NBPF11: variants seen among roughly 807,000 people sequenced by gnomAD.
NBPF11 encodes the protein NBPF member 11.
A neutral mutation model predicts 93.9 loss-of-function variants in NBPF11; 72 were observed. That is an observed-to-expected ratio of 0.77 (90% CI 0.63 to 0.93). The LOEUF (loss-of-function observed/expected upper bound fraction) is 0.93, where lower values mean the gene tolerates loss of function less well. NBPF11 is among the 40% of genes least tolerant of loss of function. The probability of loss-of-function intolerance (pLI) is 0.00; values close to 1 mark genes in which losing one functional copy is unlikely to be tolerated. For missense variants in NBPF11, 705 were observed against 802.2 expected (o/e 0.88, Z 1.46); for synonymous variants, 224 against 304.9 (o/e 0.73, Z 2.76).
intron 2 of NBPF11, among the ~76,000 whole-genome samples, chr1:148,142,652 CT>C (rs1443928807): frequency 6.5e-4 from 99 of 152,184 alleles, no homozygotes; most frequent in African/African-American, 2.3e-3. Context: ...CTTTCTCCCC[CT>C]CTCAATGCCT....
rs1271948179 is a variant in NBPF11, at chr1:148,125,692, C to T, written c.176-691G>A. 3.2e-4 allele frequency among the ~76,000 whole-genome samples: 48 copies of T among 151,914 alleles called. 1 individual carries two copies. The highest frequency in any genetic ancestry group is 1.1e-3 in the African/African-American group (47 of 41,232). On this transcript the variant is annotated intron_variant, in intron 5 of 23. Coordinates refer to ENST00000682118, the MANE Select transcript of NBPF11 (RefSeq NM_001385469.3). ...ACTAATAGATAGTGTTTACACTGTG[C>T]CAATTAATGTTCAAGGAGATCGACA... is the stretch of plus-strand genomic sequence containing the variant.
chr1:148,106,120 C>T (rs1663543816), intron 21 of NBPF11, 61 bp downstream of exon 21: 1 of 631,780 alleles, frequency 1.6e-6, no homozygotes, highest in African/African-American at 1.9e-5. Context: ...GCTCTGTTTT[C>T]CCTGAACCAG....
chr1:148,125,840 C>G (rs1368481921), intron 5 of NBPF11, among the ~76,000 whole-genome samples: 1 of 151,888 alleles, frequency 6.6e-6, no homozygotes, highest in Admixed American at 6.5e-5. Flanking sequence ...GCCCAGGAGA[C>G]AGGCTGAGGG....
intron 2 of NBPF11, among the ~76,000 whole-genome samples, chr1:148,142,326 C>A (rs1672328455): frequency 6.6e-6 from 1 of 151,984 alleles, no homozygotes; most frequent in African/African-American, 2.4e-5. Flanking sequence ...TGGGGTACAA[C>A]CCCTTCTTCC....
At position 148,132,354 on chromosome 1, in the gene NBPF11, TA is replaced by T. The variant is rs1470714194; in HGVS notation, c.-36+3317del. ...TCTTCTCTTCCACTGATATATATTC[TA>T]TTTTTTTTTTTCAACAAAACACATA... On this transcript the variant is annotated intron_variant, in intron 4 of 23. Coordinates refer to ENST00000682118, the MANE Select transcript of NBPF11 (RefSeq NM_001385469.3). Among the ~76,000 whole-genome samples the T allele has an allele frequency of 3.2e-5, 3 of 93,760 alleles. No individual in the cohort carries two copies. In the East Asian group the frequency reaches 1.2e-3, roughly 39 times the overall value. The allele number at this position is 93,760 out of a possible 152,430, so 61.5% of individuals were successfully genotyped here.
chr1:148,122,402 G>T, intron 8 of NBPF11, 136 bp from the exon 9 acceptor site: 3 of 1,434,902 alleles, frequency 2.1e-6, no homozygotes, highest in Non-Finnish European at 2.9e-6. Flanking sequence ...CTTTAAGAGG[G>T]AACAGGCAAT....
At chr1:148,144,021 C>A (rs1278465415) in intron 1 of NBPF11, among the ~76,000 whole-genome samples, 1 of 151,520 alleles carries the variant, frequency 6.6e-6, no homozygotes, top group Non-Finnish European at 1.5e-5. Flanking sequence ...GGCACCACTG[C>A]ACTCCAGCCT....
chr1:148,149,343 T>G (rs1331935935), intron 1 of NBPF11: 30 of 1,596,866 alleles, frequency 1.9e-5, no homozygotes, highest in Non-Finnish European at 2.5e-5. Context: ...TTCCCTAACA[T>G]CGAGAAGGTG....
intron 1 of NBPF11, among the ~76,000 whole-genome samples, chr1:148,147,088 G>A (rs1297250277): frequency 6.6e-6 from 1 of 152,158 alleles, no homozygotes; most frequent in Non-Finnish European, 1.5e-5. Context: ...GGGTGTGCAG[G>A]TGCCGCCTCC....
Position 148,118,630 on chromosome 1 carries a change from C to T in NBPF11, c.1081G>A (p.Glu361Lys). The change falls in exon 11 of 24, where the codon GAG becomes AAG. Residue 361 changes from glutamate (E) to lysine (K), a missense_variant. Glu to Lys is a moderately conservative substitution (Grantham distance 56). This residue lies in a region of NBPF11 where 262 missense variants were observed against 223.1 expected (regional missense o/e 1.17). Transcript: ENST00000682118. Reference sequence around the variant, plus strand: ...ATGGGGTCCCCTCACCTGAGCTCCTCAGCTTGCTTCAGCTGCTCTGCAAGC... The same window carrying T: ...ATGGGGTCCCCTCACCTGAGCTCCTTAGCTTGCTTCAGCTGCTCTGCAAGC... ...EKLAEQLKQA[E>K]ELRQYKVLVH... The T allele has an allele frequency of 1.2e-6, 2 of 1,612,462 alleles. No homozygotes were observed. Among genetic ancestry groups the T allele is most frequent in the South Asian group, 1.1e-5 (1 of 91,016 alleles).
Position 148,122,943 on chromosome 1 carries a change from G to A in NBPF11, c.494-142C>T, listed in dbSNP as rs1183052971. ...TCTCATGTTTTATCCTTCACAAAAT[G>A]CCCTGGCATGGTTTCCTGGTCCATC... On this transcript the variant is annotated intron_variant, in intron 7 of 23. Transcript: ENST00000682118. The A allele has an allele frequency of 6.2e-6, 9 of 1,459,022 alleles. 1 individual carries two copies. The East Asian group carries it at 2.1e-4, about 34-fold the overall frequency. The allele number at this position is 1,459,022 out of a possible 1,614,324, so 90.4% of individuals were successfully genotyped here. A position where few individuals can be genotyped will look rare whatever the true frequency, so the allele number is the denominator to read the frequency against.
chr1:148,106,212 CT>C lies in NBPF11; in HGVS notation c.2271del (p.Glu758ArgfsTer19). The C allele has an allele frequency of 5.6e-6, 5 of 885,220 alleles. No individual in the cohort carries two copies. The highest frequency in any genetic ancestry group is 1.3e-5 in the South Asian group (1 of 76,606). The allele number at this position is 885,220 out of a possible 1,614,324, so 54.8% of individuals were successfully genotyped here. A position where few individuals can be genotyped will look rare whatever the true frequency, so the allele number is the denominator to read the frequency against. On this transcript the variant is annotated frameshift_variant, in exon 21 of 24. Coordinates refer to ENST00000682118, the MANE Select transcript of NBPF11 (RefSeq NM_001385469.3). LOFTEE classifies it high-confidence loss of function. Reference sequence around the variant, plus strand: ...CACGGTGGGCCTTGGTCTTCTTCCTCTTCTTGGTCCTTTTTAATTCCTGCAA... The same window carrying C: ...CACGGTGGGCCTTGGTCTTCTTCCTCTCTTGGTCCTTTTTAATTCCTGCAA... ...LDVDRIKKDQ[E>X]EEEDQGPPCP...
chr1:148,147,065 G>A, intron 1 of NBPF11: 6 of 882,686 alleles, frequency 6.8e-6, no homozygotes, highest in Non-Finnish European at 8.5e-6. Flanking sequence ...CAGAGAGCCG[G>A]ACAGGCGAGC....
In NBPF11 at chr1:148,125,315, C is replaced by T. The variant is rs77047782; in HGVS notation, c.176-314G>A. Among the ~76,000 whole-genome samples, 566 of 152,024 alleles carry T rather than the reference C, an allele frequency of 3.7e-3. 10 individuals are homozygous for T. The highest frequency in any genetic ancestry group is 0.012 in the African/African-American group (504 of 41,322). On this transcript the variant is annotated intron_variant, in intron 5 of 23. Transcript: ENST00000682118. Reference sequence around the variant, plus strand: ...CTGAATGCGGGGCCACTTTCCCAAGCCTTGCAGCCTCTCCTCTAAAACACT... The same window carrying T: ...CTGAATGCGGGGCCACTTTCCCAAGTCTTGCAGCCTCTCCTCTAAAACACT...
At chr1:148,117,130 C>T (rs1666756519) in intron 12 of NBPF11, among the ~76,000 whole-genome samples, 1 of 151,886 alleles carries the variant, frequency 6.6e-6, no homozygotes, top group African/African-American at 2.4e-5. Context: ...CATTTGAATG[C>T]TTCAGACCTT....
chr1:148,148,842 G>A (rs1647429201), intron 1 of NBPF11, among the ~76,000 whole-genome samples: 3 of 151,916 alleles, frequency 2.0e-5, no homozygotes, highest in Non-Finnish European at 4.4e-5. Flanking sequence ...GGGTGACCAG[G>A]AGGAGGAGAG....
In NBPF11 at chr1:148,105,446, A is replaced by C. The variant is rs1386679475; in HGVS notation, c.2386T>G (p.Leu796Val). The C allele has an allele frequency of 3.7e-5, 41 of 1,107,154 alleles. 1 individual carries two copies. Among genetic ancestry groups the C allele is most frequent in the Non-Finnish European group, 5.5e-5 (41 of 743,244 alleles). 68.6% of individuals were successfully genotyped at this position (1,107,154 alleles called of 1,614,324 possible). Reference sequence around the variant, plus strand: ...GGGCTGGCAGGAGTCAGGCTGTTCAAGACAACTGGAAGGAGTTGAATAACA... The same window carrying C: ...GGGCTGGCAGGAGTCAGGCTGTTCACGACAACTGGAAGGAGTTGAATAACA... The part of the protein sequence containing the change: ...LDVIQLLPVV[L>V]NSLTPASPTE... The change falls in exon 22 of 24, where the codon TTG becomes GTG. Residue 796 changes from leucine to valine, a missense_variant. By Grantham distance (32) the Leu-to-Val change is conservative. Transcript: ENST00000682118.
chr1:148,119,957 A>G (rs1317260574), intron 10 of NBPF11, among the ~76,000 whole-genome samples: 2 of 124,892 alleles, frequency 1.6e-5, no homozygotes, highest in Admixed American at 9.7e-5. Context: ...CACGGCCCCT[A>G]CTCCCTGCTC....
intron 2 of NBPF11, among the ~76,000 whole-genome samples, chr1:148,143,133 A>C (rs1444873071): frequency 0.013 from 2,028 of 151,736 alleles, 40 homozygotes; most frequent in African/African-American, 0.047. Context: ...GGGAAGAGAG[A>C]GGAGAGGGAT....
Sources: allele counts gnomAD v4.1 joint callset (sites outside exome capture counted in the v4.1 genomes callset), GRCh38; gene constraint gnomAD v4.1.1; regional missense constraint gnomAD v4.1.1; transcripts MANE v1.5; gene names NCBI Gene and HGNC (gene_info 2026-07-23, HGNC 2026-07-21).